UBE2G1: variants seen among roughly 807,000 people sequenced by gnomAD.
UBE2G1 encodes the protein ubiquitin conjugating enzyme E2 G1, also known as ubiquitin-conjugating enzyme E2 G1.
In UBE2G1, 5 loss-of-function variants were observed where a neutral mutation model predicts 22.7. The observed-to-expected ratio is 0.22, with a 90% CI of 0.12 to 0.46. UBE2G1 has a LOEUF of 0.46. UBE2G1 is among the 20% of genes least tolerant of loss of function. UBE2G1 has a pLI of 0.99. For synonymous variants in UBE2G1, 74 were observed against 67.5 expected (o/e 1.10, Z -0.47); for missense variants, 88 against 203.9 (o/e 0.43, Z 3.46).
intron 5 of UBE2G1, among the ~76,000 whole-genome samples, chr17:4,274,829 G>T (rs1968802989): frequency 6.6e-6 from 1 of 151,440 alleles, no homozygotes; most frequent in Non-Finnish European, 1.5e-5. Context: ...AAGGTGGGAA[G>T]ATTGTTAGAC....
At chr17:4,353,462 T>TACACACACAC (rs150917099) in intron 1 of UBE2G1, among the ~76,000 whole-genome samples, 1,510 of 148,164 alleles carry the variant, frequency 0.01, 24 homozygotes, top group African/African-American at 0.033. Context: ...TATATATATA[T>TACACACACAC]ACACACACAC....
chr17:4,364,681 G>A (rs1437776443), intron 1 of UBE2G1, among the ~76,000 whole-genome samples: 1 of 151,800 alleles, frequency 6.6e-6, no homozygotes, highest in South Asian at 2.1e-4. Flanking sequence ...CCGCGTTCAA[G>A]CAATTCTCCC....
At chr17:4,294,216 G>C (rs1046875197) in intron 3 of UBE2G1, among the ~76,000 whole-genome samples, 8 of 152,200 alleles carry the variant, frequency 5.3e-5, no homozygotes, top group African/African-American at 1.9e-4. Flanking sequence ...AGGAGTTCAA[G>C]ACCAGCCTGT....
At chr17:4,302,212 C>T (rs1183082977) in intron 2 of UBE2G1, 2 of 505,838 alleles carry the variant, frequency 4.0e-6, no homozygotes, top group Non-Finnish European at 8.0e-6. Context: ...GCAGCAAGTG[C>T]AATGAACAGT....
intron 1 of UBE2G1, among the ~76,000 whole-genome samples, chr17:4,334,228 A>G (rs1969617792): frequency 6.6e-6 from 1 of 151,894 alleles, no homozygotes; most frequent in Non-Finnish European, 1.5e-5. Context: ...TGCAAGGTAC[A>G]TTTCCATTAT....
intron 1 of UBE2G1, among the ~76,000 whole-genome samples, chr17:4,325,651 AT>A (rs1598194888): frequency 6.6e-6 from 1 of 152,180 alleles, no homozygotes; most frequent in South Asian, 2.1e-4. Context: ...CACACCCCAA[AT>A]TGCCGAAACA....
intron 1 of UBE2G1, among the ~76,000 whole-genome samples, chr17:4,341,586 C>T (rs1391194992): frequency 6.6e-6 from 1 of 152,196 alleles, no homozygotes; most frequent in African/African-American, 2.4e-5. Flanking sequence ...TTTACACACA[C>T]ACGCATGCAG....
chr17:4,366,242 G>GCCCGGCGC (rs1970033848), intron 1 of UBE2G1, 29 bp downstream of exon 1: 2 of 1,524,686 alleles, frequency 1.3e-6, no homozygotes, highest in Non-Finnish European at 1.7e-6. Flanking sequence ...TCGCGGCCGG[G>GCCCGGCGC]CCCGGCGCCC....
At chr17:4,356,293 G>A (rs1969905497) in intron 1 of UBE2G1, among the ~76,000 whole-genome samples, 2 of 151,856 alleles carry the variant, frequency 1.3e-5, no homozygotes. Flanking sequence ...AGGAGGCAGA[G>A]GTTGCAGTGA....
intron 1 of UBE2G1, among the ~76,000 whole-genome samples, chr17:4,312,957 G>A (rs1969328762): frequency 6.6e-6 from 1 of 152,084 alleles, no homozygotes. Flanking sequence ...AAACCCAAGT[G>A]GAAATTTTTT....
At chr17:4,328,700 C>A (rs557201022) in intron 1 of UBE2G1, among the ~76,000 whole-genome samples, 1 of 152,144 alleles carries the variant, frequency 6.6e-6, no homozygotes, top group African/African-American at 2.4e-5. Context: ...AACCTAAGCA[C>A]GTAGAAAATT....
chr17:4,310,958 C>T lies in UBE2G1; in HGVS notation c.47-3835G>A, dbSNP rs181844062. 2.4e-3 allele frequency among the ~76,000 whole-genome samples: 372 copies of T among 152,286 alleles called. 3 individuals are homozygous for T. The highest frequency in any genetic ancestry group is 8.5e-3 in the African/African-American group (354 of 41,558). ...GGGCATGGTGGCTCACCGCTGTAAT[C>T]CCAAAACTTTGGGAGGCTGAGGTGG... On this transcript the variant is annotated intron_variant, in intron 1 of 5. Coordinates refer to ENST00000396981, the MANE Select transcript of UBE2G1 (RefSeq NM_003342.5).
chr17:4,333,189 G>T (rs748891308), intron 1 of UBE2G1, among the ~76,000 whole-genome samples: 1 of 152,166 alleles, frequency 6.6e-6, no homozygotes, highest in African/African-American at 2.4e-5. Flanking sequence ...CAATTCAGAC[G>T]CCAGACCGTA....
intron 3 of UBE2G1, among the ~76,000 whole-genome samples, chr17:4,292,607 C>T (rs1478710393): frequency 1.3e-5 from 2 of 152,200 alleles, no homozygotes; most frequent in East Asian, 3.9e-4. Context: ...TGGGCCAAGA[C>T]AACTAATACT....
intron 3 of UBE2G1, among the ~76,000 whole-genome samples, chr17:4,292,317 A>C (rs1184761549): frequency 8.4e-4 from 27 of 32,188 alleles, no homozygotes; most frequent in Non-Finnish European, 3.1e-3. Context: ...TCTGTCTCAA[A>C]AAAAAAAAAA....
chr17:4,330,793 C>A (rs1969566009), intron 1 of UBE2G1, among the ~76,000 whole-genome samples: 1 of 151,520 alleles, frequency 6.6e-6, no homozygotes, highest in East Asian at 1.9e-4. Context: ...GGGGTTTCAC[C>A]ATGTTGGCCA....
At chr17:4,283,849 T>C (rs76670394) in intron 4 of UBE2G1, among the ~76,000 whole-genome samples, 5,706 of 152,016 alleles carry the variant, frequency 0.038, 395 homozygotes, top group African/African-American at 0.13. Context: ...GAGAAGAGCC[T>C]GAATAAAAAG....
intron 1 of UBE2G1, among the ~76,000 whole-genome samples, chr17:4,364,790 C>A (rs1390558573): frequency 6.6e-6 from 1 of 150,824 alleles, no homozygotes; most frequent in Admixed American, 6.6e-5. Context: ...CCACTTTGGC[C>A]AGGCTGGCCC....
intron 5 of UBE2G1, among the ~76,000 whole-genome samples, chr17:4,280,070 C>G (rs1373726544): frequency 6.7e-6 from 1 of 149,134 alleles, no homozygotes; most frequent in Non-Finnish European, 1.5e-5. Context: ...AAGTCTCACT[C>G]TGTAGCCCAG....
Sources: gnomAD v4.1 joint callset for allele counts (sites outside exome capture counted in the v4.1 genomes callset) on GRCh38, gnomAD v4.1.1 for gene constraint, MANE v1.5 for transcripts, NCBI Gene and HGNC (gene_info 2026-07-23, HGNC 2026-07-21) for gene names.